The following TTC9 variants were observed in gnomAD, a reference collection of about 807,000 sequenced individuals.
TTC9 encodes tetratricopeptide repeat domain 9.
TTC9 carries 13 observed loss-of-function variants against 22.9 expected under a neutral mutation model. The observed-to-expected ratio is 0.57, with a 90% CI of 0.37 to 0.90. The LOEUF (loss-of-function observed/expected upper bound fraction) is 0.90, where lower values mean the gene tolerates loss of function less well. TTC9 is among the 40% of genes least tolerant of loss of function. The pLI is 0.01. For synonymous variants in TTC9, 148 were observed against 133.2 expected, an observed-to-expected ratio of 1.11 and a Z score of -0.77; for missense variants, 280 against 291.8, an observed-to-expected ratio of 0.96 and a Z score of 0.29.
At chr14:70,652,820 G>C (rs903428950) in intron 1 of TTC9, among the ~76,000 whole-genome samples, 8 of 152,214 alleles carry the variant, frequency 5.3e-5, no homozygotes, top group African/African-American at 1.9e-4. Context: ...GGAGACCACA[G>C]GACCATTGGA....
intron 1 of TTC9, among the ~76,000 whole-genome samples, chr14:70,643,491 G>C (rs945287679): frequency 1.3e-5 from 2 of 152,198 alleles, no homozygotes; most frequent in African/African-American, 4.8e-5. Flanking sequence ...CTCTTCTCTT[G>C]CCCCATTTGG....
rs1161695544 is a variant in TTC9 at position 70,642,044 on chromosome 14, C to T, written c.-86C>T. On this transcript the variant is annotated 5_prime_UTR_variant, in exon 1 of 3. Transcript: ENST00000256367. ...GCCTGCGAGGCGCGGGGCCGGCGCCCGCGGCTTTTAAACCCGGGAAGGCGC... is the reference window on the plus strand; with the variant it reads ...GCCTGCGAGGCGCGGGGCCGGCGCCTGCGGCTTTTAAACCCGGGAAGGCGC... 15 of 941,380 alleles carry T rather than the reference C, an allele frequency of 1.6e-5. No individual in the cohort carries two copies. Among genetic ancestry groups the T allele is most frequent in the Admixed American group, 1.2e-4 (2 of 16,862 alleles). 58.3% of individuals were successfully genotyped at this position (941,380 alleles called of 1,614,324 possible).
intron 2 of TTC9, 85 bp from the exon 3 acceptor site, chr14:70,670,991 T>C (rs1320344410): frequency 6.6e-6 from 9 of 1,359,996 alleles, no homozygotes; most frequent in Middle Eastern, 1.8e-4. Context: ...GTTGGATGTC[T>C]GCAGACACAG....
chr14:70,644,448 C>G (rs765162345), intron 1 of TTC9, among the ~76,000 whole-genome samples: 2 of 152,232 alleles, frequency 1.3e-5, no homozygotes, highest in African/African-American at 4.8e-5. Flanking sequence ...TACATTGTCT[C>G]TTTAAATCTT....
Position 70,667,622 on chromosome 14 carries a change from A to G in TTC9, c.465A>G (p.Lys155=), listed in dbSNP as rs1886233434. ...AACGAGTCAAGGAATATTGCCTCAA[A>G]GTCTTGAAGAAGGAAGGGGAGAACT... is the stretch of plus-strand genomic sequence containing the variant. ...NYERVKEYCL[K]VLKKEGENFK... Residue 155 remains lysine (K), a synonymous_variant, in exon 2 of 3, where the codon AAA becomes AAG. Coordinates refer to ENST00000256367, the MANE Select transcript of TTC9 (RefSeq NM_015351.2). The G allele has an allele frequency of 6.2e-7, 1 of 1,613,918 alleles. No individual in the cohort carries two copies. The highest frequency in any genetic ancestry group is 8.5e-7 in the Non-Finnish European group (1 of 1,179,888).
At position 70,654,587 on chromosome 14, in the gene TTC9, CAAAAAAAAAAAAAAAAAAAAA is replaced by C. The variant is rs61046584; in HGVS notation, c.406+12067_406+12087del. On this transcript the variant is annotated intron_variant, in intron 1 of 2. Coordinates refer to ENST00000256367, the MANE Select transcript of TTC9 (RefSeq NM_015351.2). ...CCTGGGCAACAGTAAGGCTCTGTCT[CAAAAAAAAAAAAAAAAAAAAA>C]AAAAAAAAAAAAAATTCTAATTACA... 1.6e-4 allele frequency among the ~76,000 whole-genome samples: 9 copies of C among 57,166 alleles called. No individual in the cohort carries two copies. The Admixed American group carries it at 1.8e-3, about 11-fold the overall frequency. 37.5% of individuals were successfully genotyped at this position (57,166 alleles called of 152,430 possible).
At chr14:70,663,210 C>A (rs1488919151) in intron 1 of TTC9, among the ~76,000 whole-genome samples, 1 of 152,180 alleles carries the variant, frequency 6.6e-6, no homozygotes, top group Non-Finnish European at 1.5e-5. Flanking sequence ...TCCAACCTGG[C>A]ATGCATGGCT....
In TTC9 at chr14:70,642,119, GCGGCGGCCGAATGGAGAGAAAGGGCT is replaced by G; in HGVS notation, c.-1_25del. 1 of 1,114,746 alleles carries G rather than the reference GCGGCGGCCGAATGGAGAGAAAGGGCT, an allele frequency of 9.0e-7. No individual in the cohort carries two copies. 69.1% of individuals were successfully genotyped at this position (1,114,746 alleles called of 1,614,324 possible). Reference sequence around the variant, plus strand: ...ATCGCGGCGCGCACCAGGCGCCGGGGCGGCGGCCGAATGGAGAGAAAGGGCTCGGCGGCCGGGGCCAAGGGGAACCC... The same window carrying G: ...ATCGCGGCGCGCACCAGGCGCCGGGGCGGCGGCCGGGGCCAAGGGGAACCC... On this transcript the variant is annotated start_lost and 5_prime_UTR_variant, in exon 1 of 3. Coordinates refer to ENST00000256367, the MANE Select transcript of TTC9 (RefSeq NM_015351.2).
intron 1 of TTC9, among the ~76,000 whole-genome samples, chr14:70,663,120 C>T (rs544961654): frequency 3.9e-5 from 6 of 152,324 alleles, no homozygotes; most frequent in South Asian, 2.1e-4. Flanking sequence ...AGATCTTCTA[C>T]GTGGACCAGA....
At chr14:70,644,073 G>A (rs553515537) in intron 1 of TTC9, among the ~76,000 whole-genome samples, 1 of 152,332 alleles carries the variant, frequency 6.6e-6, no homozygotes, top group South Asian at 2.1e-4. Flanking sequence ...CATGGGTGGA[G>A]GACGAGGCAC....
At chr14:70,665,220 G>A (rs1204155379) in intron 1 of TTC9, among the ~76,000 whole-genome samples, 1 of 152,240 alleles carries the variant, frequency 6.6e-6, no homozygotes, top group Non-Finnish European at 1.5e-5. Context: ...CCCGGTCAGA[G>A]AGGACTTCAG....
In TTC9 at chr14:70,642,164, G is replaced by A. The variant is rs1885821620; in HGVS notation, c.35G>A (p.Gly12Glu). The part of the protein sequence containing the change: ...ERKGSAAGAK[G>E]NPSPPAAGEG... ...AAGGGCTCGGCGGCCGGGGCCAAGGGGAACCCGAGCCCGCCCGCGGCCGGA... is the reference window on the plus strand; with the variant it reads ...AAGGGCTCGGCGGCCGGGGCCAAGGAGAACCCGAGCCCGCCCGCGGCCGGA... The change falls in exon 1 of 3, where the codon GGG (glycine) becomes GAG (glutamate). Residue 12 changes from glycine (G) to glutamate (E), a missense_variant. Physicochemically the swap from Gly to Glu is moderately conservative, Grantham distance 98. Transcript: ENST00000256367. 3.4e-6 allele frequency: 4 copies of A among 1,192,718 alleles called. No homozygotes were observed. The South Asian group carries it at 1.2e-4, about 37-fold the overall frequency. 73.9% of individuals were successfully genotyped at this position (1,192,718 alleles called of 1,614,324 possible). A position where few individuals can be genotyped will look rare whatever the true frequency, so the allele number is the denominator to read the frequency against.
At chr14:70,644,301 C>T (rs1885872288) in intron 1 of TTC9, among the ~76,000 whole-genome samples, 1 of 152,206 alleles carries the variant, frequency 6.6e-6, no homozygotes. Context: ...CCACTCCCAT[C>T]CTCACCTCAC....
chr14:70,650,090 C>T (rs913099541), intron 1 of TTC9, among the ~76,000 whole-genome samples: 3 of 152,024 alleles, frequency 2.0e-5, no homozygotes, highest in East Asian at 1.9e-4. Context: ...CTTGAGAAAT[C>T]GAAGTAGAAA....
At chr14:70,662,310 C>G (rs1357278963) in intron 1 of TTC9, among the ~76,000 whole-genome samples, 1 of 151,702 alleles carries the variant, frequency 6.6e-6, no homozygotes, top group African/African-American at 2.4e-5. Context: ...CTCCTCTGCT[C>G]ATGATGACTA....
At position 70,672,524 on chromosome 14, in the gene TTC9, G is replaced by A. The variant is rs1030573242; in HGVS notation, c.*1369G>A. 2.9e-4 allele frequency: 44 copies of A among 152,066 alleles called. No individual in the cohort carries two copies. Among genetic ancestry groups the A allele is most frequent in the Admixed American group, 2.8e-3 (43 of 15,262 alleles). The allele number at this position is 152,066 out of a possible 1,614,324, so 9.4% of individuals were successfully genotyped here. A position where few individuals can be genotyped will look rare whatever the true frequency, so the allele number is the denominator to read the frequency against. On this transcript the variant is annotated 3_prime_UTR_variant, in exon 3 of 3. Coordinates refer to ENST00000256367, the MANE Select transcript of TTC9 (RefSeq NM_015351.2). Reference sequence around the variant, plus strand: ...GTCTCAGTCTTCAAGGAAATGGAAGGGTTAAGAAATGCATATGAGATTATT... The same window carrying A: ...GTCTCAGTCTTCAAGGAAATGGAAGAGTTAAGAAATGCATATGAGATTATT...
chr14:70,644,204 C>T (rs1034901673), intron 1 of TTC9, among the ~76,000 whole-genome samples: 1 of 152,190 alleles, frequency 6.6e-6, no homozygotes, highest in Non-Finnish European at 1.5e-5. Context: ...CCACCCCAGA[C>T]GTGGTTACTT....
At position 70,659,581 on chromosome 14, in the gene TTC9, TG is replaced by T. The variant is rs137959515; in HGVS notation, c.407-7982del. Among the ~76,000 whole-genome samples the T allele has an allele frequency of 3.9e-5, 6 of 152,300 alleles. No homozygotes were observed. The East Asian group carries it at 1.2e-3, about 29-fold the overall frequency. ...CAGTTGGTTTTGTTTGCTTGTTTTT[TG>T]TTTTTCTCTCTGAATGTAAAGGAAC... On this transcript the variant is annotated intron_variant, in intron 1 of 2. Transcript: ENST00000256367.
rs760126014 is a variant in TTC9, at chr14:70,671,124, G to A, written c.638G>A (p.Arg213Gln). The A allele has an allele frequency of 1.4e-5, 23 of 1,613,552 alleles. No homozygotes were observed. The highest frequency in any genetic ancestry group is 1.6e-4 in the Middle Eastern group (1 of 6,084). Reference protein sequence around the residue: ...YIQLTEMKLSRCSQREKEAM With the variant: ...YIQLTEMKLSQCSQREKEAM ...CAGCTGACGGAGATGAAACTCAGCC[G>A]ATGCTCCCAGAGAGAAAAAGAAGCC... Residue 213 changes from arginine to glutamine, a missense_variant, in exon 3 of 3, where the codon CGA becomes CAA. Transcript: ENST00000256367.
Sources: allele counts gnomAD v4.1 joint callset (sites outside exome capture counted in the v4.1 genomes callset), GRCh38; gene constraint gnomAD v4.1.1; transcripts MANE v1.5; gene names NCBI Gene and HGNC (gene_info 2026-07-23, HGNC 2026-07-21).